NSFL1C: variants seen among roughly 807,000 people sequenced by gnomAD.
NSFL1C encodes NSFL1 cofactor, also known as NSFL1 cofactor p47.
NSFL1C carries 14 observed loss-of-function variants against 43.1 expected under a neutral mutation model. That is an observed-to-expected ratio of 0.32 (90% CI 0.21 to 0.51). NSFL1C has a LOEUF of 0.51. NSFL1C is among the 20% of genes least tolerant of loss of function. The pLI is 0.98. For synonymous variants in NSFL1C, 171 were observed against 183.5 expected, an observed-to-expected ratio of 0.93 and a Z score of 0.55; for missense variants, 406 against 472.5, an observed-to-expected ratio of 0.86 and a Z score of 1.30.
intron 7 of NSFL1C, 141 bp downstream of exon 7, chr20:1,452,352 A>G: frequency 8.7e-7 from 1 of 1,147,532 alleles, no homozygotes; most frequent in African/African-American, 1.5e-5. Context: ...TGTTCTCCAC[A>G]CTCTTCCTCC....
At chr20:1,459,194 T>TTGTA (rs2090362645) in intron 2 of NSFL1C, among the ~76,000 whole-genome samples, 1 of 152,180 alleles carries the variant, frequency 6.6e-6, no homozygotes, top group Non-Finnish European at 1.5e-5. Flanking sequence ...TCATGTTGAA[T>TTGTA]TGTAATTCCC....
chr20:1,452,759 T>C, intron 6 of NSFL1C, 129 bp from the exon 7 acceptor site: 1 of 1,150,948 alleles, frequency 8.7e-7, no homozygotes, highest in Non-Finnish European at 1.2e-6. Context: ...AGCAGGCTAC[T>C]CTGGTGGCTA....
chr20:1,447,582 T>C (rs2090088186), intron 7 of NSFL1C, among the ~76,000 whole-genome samples: 1 of 152,194 alleles, frequency 6.6e-6, no homozygotes, highest in Non-Finnish European at 1.5e-5. Flanking sequence ...TGTTCATTAG[T>C]TTCACAGACA....
chr20:1,464,604 A>T lies in NSFL1C; in HGVS notation c.106-178T>A, dbSNP rs141952863. 3.1e-3 allele frequency among the ~76,000 whole-genome samples: 466 copies of T among 152,346 alleles called. 2 individuals are homozygous for T. The highest frequency in any genetic ancestry group is 0.011 in the African/African-American group (456 of 41,572). On this transcript the variant is annotated intron_variant, in intron 1 of 8. Coordinates refer to ENST00000216879, the MANE Select transcript of NSFL1C (RefSeq NM_016143.5). ...CAGCTGTTAGTCTTCGTGTCAACTG[A>T]AACAAATTCCACCCACTAAGGTGAA...
intron 2 of NSFL1C, among the ~76,000 whole-genome samples, chr20:1,460,931 T>C (rs957801498): frequency 6.6e-6 from 1 of 151,454 alleles, no homozygotes; most frequent in Non-Finnish European, 1.5e-5. Context: ...CATACAGGGG[T>C]GGGAGGTGCT....
At chr20:1,454,418 G>C (rs1372049345) in intron 4 of NSFL1C, 113 bp from the exon 5 acceptor site, 3 of 736,734 alleles carry the variant, frequency 4.1e-6, no homozygotes, top group Non-Finnish European at 6.8e-6. Context: ...CAGGGTTCCT[G>C]ATCAAGCTTG....
chr20:1,443,682 A>G lies in NSFL1C; in HGVS notation c.*67T>C. 1 of 1,558,448 alleles carries G rather than the reference A, an allele frequency of 6.4e-7. No individual in the cohort carries two copies. The highest frequency in any genetic ancestry group is 1.1e-5 in the South Asian group (1 of 89,280). On this transcript the variant is annotated 3_prime_UTR_variant, in exon 9 of 9. Coordinates refer to ENST00000216879, the MANE Select transcript of NSFL1C (RefSeq NM_016143.5). ...TGTGCACAAGGGGGCAGGAGGGGCG[A>G]TCCCCATGGGGCATGGCCACTGGCC...
At chr20:1,461,708 G>C (rs936393082) in intron 2 of NSFL1C, among the ~76,000 whole-genome samples, 1 of 152,272 alleles carries the variant, frequency 6.6e-6, no homozygotes, top group African/African-American at 2.4e-5. Context: ...TACTAGCTCT[G>C]TGATCTTGGA....
chr20:1,453,642 C>G (rs1396334642), intron 5 of NSFL1C, among the ~76,000 whole-genome samples: 1 of 152,088 alleles, frequency 6.6e-6, no homozygotes, highest in Non-Finnish European at 1.5e-5. Context: ...TTATTTTCTT[C>G]TTGCTTGACT....
intron 7 of NSFL1C, among the ~76,000 whole-genome samples, chr20:1,452,078 C>T (rs180712536): frequency 3.3e-5 from 5 of 152,310 alleles, no homozygotes; most frequent in Admixed American, 2.6e-4. Flanking sequence ...CTTAAGCCAT[C>T]AAGGAGATGA....
chr20:1,466,123 T>G (rs1315944899), intron 1 of NSFL1C, among the ~76,000 whole-genome samples: 1 of 152,222 alleles, frequency 6.6e-6, no homozygotes, highest in Non-Finnish European at 1.5e-5. Context: ...CTCGTGAAGC[T>G]TAAGTCTTCT....
intron 3 of NSFL1C, chr20:1,455,630 T>C (rs2090282035): frequency 1.3e-6 from 1 of 778,928 alleles, no homozygotes; most frequent in African/African-American, 1.7e-5. Context: ...TGCCACTGTA[T>C]GTCCTGGGTA....
At chr20:1,462,092 G>A (rs945072702) in intron 2 of NSFL1C, among the ~76,000 whole-genome samples, 13 of 152,082 alleles carry the variant, frequency 8.5e-5, no homozygotes, top group African/African-American at 3.1e-4. Context: ...GGGTTCTCGG[G>A]CTCCATATTA....
chr20:1,466,807 C>T lies in NSFL1C; in HGVS notation c.18G>A (p.Gln6=), dbSNP rs911098758. 3.9e-6 allele frequency: 6 copies of T among 1,548,680 alleles called. No homozygotes were observed. Among genetic ancestry groups the T allele is most frequent in the Admixed American group, 1.9e-5 (1 of 53,166 alleles). Reference sequence around the variant, plus strand: ...CCGCCACGAACTCCCTCAGCGCCTCCTGTCGCTCCGCCGCCATCTTCGCCC... The same window carrying T: ...CCGCCACGAACTCCCTCAGCGCCTCTTGTCGCTCCGCCGCCATCTTCGCCC... MAAER[Q]EALREFVAVT... The change falls in exon 1 of 9, where the codon CAG becomes CAA. Residue 6 remains glutamine (Q), a synonymous_variant. Transcript: ENST00000216879.
At chr20:1,445,873 C>T (rs1017879772) in intron 7 of NSFL1C, 43 bp from the exon 8 acceptor site, 2 of 1,599,376 alleles carry the variant, frequency 1.3e-6, no homozygotes, top group Admixed American at 3.5e-5. Flanking sequence ...AGAAACAAGG[C>T]CCCTAGCAAG....
intron 6 of NSFL1C, 28 bp from the exon 7 acceptor site, chr20:1,452,658 C>T: frequency 6.2e-7 from 1 of 1,612,634 alleles, no homozygotes; most frequent in Non-Finnish European, 8.5e-7. Flanking sequence ...ATGCTGAGGT[C>T]CACAGAGAGA....
intron 4 of NSFL1C, 63 bp downstream of exon 4, chr20:1,454,904 A>C: frequency 1.3e-6 from 2 of 1,540,468 alleles, no homozygotes; most frequent in Non-Finnish European, 1.8e-6. Flanking sequence ...GGGGTGAAGA[A>C]GGTGGCATTC....
At chr20:1,455,186 G>T in intron 3 of NSFL1C, 54 bp from the exon 4 acceptor site, 4 of 1,598,920 alleles carry the variant, frequency 2.5e-6, no homozygotes, top group Non-Finnish European at 3.4e-6. Context: ...CATGAATAGA[G>T]CATGTGCCAG....
chr20:1,455,138 T>C lies in NSFL1C; in HGVS notation c.279-6A>G, dbSNP rs755640326. On this transcript the variant is annotated splice_region_variant and splice_polypyrimidine_tract_variant and intron_variant, in intron 3 of 8. Transcript: ENST00000216879. ...CTGAGCCCCCAGCATAAAACCTGTG[T>C]ACAAAATACACCTCTAACATGAAAC... The C allele has an allele frequency of 1.9e-6, 3 of 1,614,050 alleles. No individual in the cohort carries two copies. The East Asian group carries it at 6.7e-5, about 36-fold the overall frequency.
Sources: gnomAD v4.1 joint callset for allele counts (sites outside exome capture counted in the v4.1 genomes callset) on GRCh38, gnomAD v4.1.1 for gene constraint, MANE v1.5 for transcripts, NCBI Gene and HGNC (gene_info 2026-07-23, HGNC 2026-07-21) for gene names.